Variants in OR2T6 observed in about 807,000 individuals in gnomAD.
OR2T6 encodes olfactory receptor family 2 subfamily T member 6.
For missense variants in OR2T6, 424 were observed against 391.6 expected (o/e 1.08, Z -0.70); for synonymous variants, 174 against 148.0 (o/e 1.18, Z -1.27).
chr1:248,378,351 A>G (rs1660973105), intron 1 of OR2T6, among the ~76,000 whole-genome samples: 1 of 152,236 alleles, frequency 6.6e-6, no homozygotes, highest in African/African-American at 2.4e-5. Flanking sequence ...CTCAAACATC[A>G]TAAAAAAGTT....
In OR2T6 at chr1:248,388,565, C is replaced by A. The variant is rs1661193209; in HGVS notation, c.*30C>A. On this transcript the variant is annotated 3_prime_UTR_variant, in exon 3 of 3. Coordinates refer to ENST00000641644, the MANE Select transcript of OR2T6 (RefSeq NM_001005471.2). ...CATGTGGTGTGATGAGGAAAGAATT[C>A]TGATGGTCTAAAACCTCCACATCCT... is the stretch of plus-strand genomic sequence containing the variant. 4.6e-6 allele frequency: 7 copies of A among 1,508,354 alleles called. No homozygotes were observed. The highest frequency in any genetic ancestry group is 5.4e-6 in the Non-Finnish European group (6 of 1,121,158). The allele number at this position is 1,508,354 out of a possible 1,614,324, so 93.4% of individuals were successfully genotyped here.
At position 248,388,109 on chromosome 1, in the gene OR2T6, G is replaced by A. The variant is rs80259157; in HGVS notation, c.501G>A (p.Pro167=). 690 of 1,613,964 alleles carry A rather than the reference G, an allele frequency of 4.3e-4. 4 individuals are homozygous for A. In the East Asian group the frequency reaches 0.013, roughly 31 times the overall value. ...TCACCCCCATTACCATGAGTCTCCCGTTCTGTGCCTCTCACCAAATCAATC... is the reference window on the plus strand; with the variant it reads ...TCACCCCCATTACCATGAGTCTCCCATTCTGTGCCTCTCACCAAATCAATC... ...FLLTPITMSL[P]FCASHQINHF... Residue 167 remains proline (P), a synonymous_variant, in exon 3 of 3, where the codon CCG becomes CCA. Coordinates refer to ENST00000641644, the MANE Select transcript of OR2T6 (RefSeq NM_001005471.2).
At position 248,388,660 on chromosome 1, in the gene OR2T6, G is replaced by A; in HGVS notation, c.*125G>A. 3 of 661,056 alleles carry A rather than the reference G, an allele frequency of 4.5e-6. No homozygotes were observed. The highest frequency in any genetic ancestry group is 2.7e-5 in the East Asian group (1 of 36,826). The allele number at this position is 661,056 out of a possible 1,614,324, so 40.9% of individuals were successfully genotyped here. ...CTGACAGGAACTTTCAATACCAGCT[G>A]TGCTAAATGGTGTATCAACAGTACC... On this transcript the variant is annotated 3_prime_UTR_variant, in exon 3 of 3. Coordinates refer to ENST00000641644, the MANE Select transcript of OR2T6 (RefSeq NM_001005471.2).
At position 248,388,240 on chromosome 1, in the gene OR2T6, T is replaced by A; in HGVS notation, c.632T>A (p.Phe211Tyr). 2 of 1,613,822 alleles carry A rather than the reference T, an allele frequency of 1.2e-6. No individual in the cohort carries two copies. Among genetic ancestry groups the A allele is most frequent in the Non-Finnish European group, 1.7e-6 (2 of 1,179,978 alleles). Residue 211 changes from phenylalanine to tyrosine, a missense_variant, in exon 3 of 3, where the codon TTC (phenylalanine) becomes TAC (tyrosine). Physicochemically the swap from Phe to Tyr is conservative, Grantham distance 22. Coordinates refer to ENST00000641644, the MANE Select transcript of OR2T6 (RefSeq NM_001005471.2). ...VCCVAMLLIP[F>Y]SVVTASYTRI... is the part of the protein sequence containing the mutation. The stretch of plus-strand genomic sequence containing the variant: ...TGCGTTGCAATGCTGCTGATCCCCT[T>A]CTCGGTGGTGACTGCATCCTACACC...
chr1:248,388,222 C>T lies in OR2T6; in HGVS notation c.614C>T (p.Ala205Val), dbSNP rs1346482094. The change falls in exon 3 of 3, where the codon GCA (alanine) becomes GTA (valine). Residue 205 changes from alanine (A) to valine (V), a missense_variant. Physicochemically the swap from Ala to Val is moderately conservative, Grantham distance 64. Coordinates refer to ENST00000641644, the MANE Select transcript of OR2T6 (RefSeq NM_001005471.2). ...YETVMYVCCV[A>V]MLLIPFSVVT... The stretch of plus-strand genomic sequence containing the variant: ...ACAGTGATGTATGTGTGCTGCGTTG[C>T]AATGCTGCTGATCCCCTTCTCGGTG... 6.2e-7 allele frequency: 1 copy of T among 1,613,952 alleles called. No homozygotes were observed. The highest frequency in any genetic ancestry group is 8.5e-7 in the Non-Finnish European group (1 of 1,179,990).
rs773197375 is a variant in OR2T6 at position 248,382,532 on chromosome 1, C to CTTTTTTTTTTTTTTTTTTTTTTTTTTTTT, written c.-158-2176_-158-2175insTTTTTTTTTTTTTTTTTTTTTTTTTTTTT. Among the ~76,000 whole-genome samples, 2 of 117,288 alleles carry CTTTTTTTTTTTTTTTTTTTTTTTTTTTTT rather than the reference C, an allele frequency of 1.7e-5. 1 individual carries two copies. 76.9% of individuals were successfully genotyped at this position (117,288 alleles called of 152,430 possible). ...CAATACTCCATGTCTACCTTTCTTTCTTTCTTTTTTTTTTTTTTTAGATGG... is the reference window on the plus strand; with the variant it reads ...CAATACTCCATGTCTACCTTTCTTTCTTTTTTTTTTTTTTTTTTTTTTTTTTTTTTTTCTTTTTTTTTTTTTTTAGATGG... On this transcript the variant is annotated intron_variant, in intron 1 of 2. Coordinates refer to ENST00000641644, the MANE Select transcript of OR2T6 (RefSeq NM_001005471.2).
chr1:248,386,753 A>G (rs1359334322), intron 2 of OR2T6, among the ~76,000 whole-genome samples: 1 of 152,090 alleles, frequency 6.6e-6, no homozygotes, highest in African/African-American at 2.4e-5. Flanking sequence ...TTTTTGCTTT[A>G]GGGATGTCAC....
intron 1 of OR2T6, among the ~76,000 whole-genome samples, chr1:248,379,646 T>G (rs1660999738): frequency 6.6e-6 from 1 of 152,182 alleles, no homozygotes; most frequent in South Asian, 2.1e-4. Context: ...GAACTTGGTT[T>G]ATAATTATGA....
intron 1 of OR2T6, among the ~76,000 whole-genome samples, chr1:248,380,268 TA>T (rs1457920923): frequency 6.6e-6 from 1 of 152,036 alleles, no homozygotes; most frequent in Non-Finnish European, 1.5e-5. Flanking sequence ...AATATAATGT[TA>T]AAATAACTTC....
intron 1 of OR2T6, among the ~76,000 whole-genome samples, chr1:248,382,336 A>G (rs894500668): frequency 6.6e-6 from 1 of 152,160 alleles, no homozygotes; most frequent in African/African-American, 2.4e-5. Context: ...TACTTCAAAT[A>G]ACTTTCCCAG....
At chr1:248,387,115 A>G (rs912030893) in intron 2 of OR2T6, among the ~76,000 whole-genome samples, 1 of 152,350 alleles carries the variant, frequency 6.6e-6, no homozygotes, top group South Asian at 2.1e-4. Context: ...ACAGTTCAAC[A>G]TAGTTTTCAG....
chr1:248,376,612 A>G (rs1235255679), intron 1 of OR2T6, among the ~76,000 whole-genome samples: 1 of 152,114 alleles, frequency 6.6e-6, no homozygotes, highest in African/African-American at 2.4e-5. Context: ...TGTTTCATCT[A>G]TAAAATACCC....
intron 1 of OR2T6, among the ~76,000 whole-genome samples, 151 bp downstream of exon 1, chr1:248,376,205 AAATGTGATATCTTCT>A (rs1461120742): frequency 6.6e-6 from 1 of 152,234 alleles, no homozygotes; most frequent in African/African-American, 2.4e-5. Flanking sequence ...CAGTTCCCAC[AAATGTGATATCTTCT>A]AAGTTACAGG....
chr1:248,385,762 CAGT>C (rs1661127286), intron 2 of OR2T6, among the ~76,000 whole-genome samples: 1 of 152,188 alleles, frequency 6.6e-6, no homozygotes, highest in African/African-American at 2.4e-5. Context: ...GGTATACACA[CAGT>C]AGCTAAGAAA....
In OR2T6 at chr1:248,387,752, G is replaced by A; in HGVS notation, c.144G>A (p.Leu48=). 1 of 1,613,856 alleles carries A rather than the reference G, an allele frequency of 6.2e-7. No individual in the cohort carries two copies. Among genetic ancestry groups the A allele is most frequent in the Non-Finnish European group, 8.5e-7 (1 of 1,179,878 alleles). ...TAGCTAATGGGGTCATGATCTTCCT[G>A]ATTAACATAGACCCTCATCTCCACA... ...AMIANGVMIF[L]INIDPHLHTP... Residue 48 remains leucine, a synonymous_variant, in exon 3 of 3, where the codon CTG becomes CTA. Transcript: ENST00000641644.
At chr1:248,382,237 AT>A (rs1483439212) in intron 1 of OR2T6, among the ~76,000 whole-genome samples, 1 of 152,172 alleles carries the variant, frequency 6.6e-6, no homozygotes, top group East Asian at 1.9e-4. Context: ...GTCAGTGTGA[AT>A]TTTAGCCTGT....
intron 1 of OR2T6, among the ~76,000 whole-genome samples, chr1:248,377,088 T>C (rs1160231447): frequency 1.3e-5 from 2 of 152,158 alleles, no homozygotes; most frequent in Non-Finnish European, 2.9e-5. Context: ...CGTGTGATGG[T>C]TGGTTGGTCA....
At chr1:248,384,550 G>T (rs1185906253) in intron 1 of OR2T6, among the ~76,000 whole-genome samples, 161 bp from the exon 2 acceptor site, 1 of 103,972 alleles carries the variant, frequency 9.6e-6, no homozygotes, top group African/African-American at 5.9e-5. Flanking sequence ...TCATCATGGA[G>T]AAAGCACTGC....
At chr1:248,385,731 T>A (rs572387129) in intron 2 of OR2T6, among the ~76,000 whole-genome samples, 1 of 152,310 alleles carries the variant, frequency 6.6e-6, no homozygotes, top group South Asian at 2.1e-4. Flanking sequence ...TTAGAGTGTG[T>A]CTCCTATTGT....
Sources: allele counts gnomAD v4.1 joint callset (sites outside exome capture counted in the v4.1 genomes callset), GRCh38; gene constraint gnomAD v4.1.1; transcripts MANE v1.5; gene names NCBI Gene and HGNC (gene_info 2026-07-23, HGNC 2026-07-21).